DNAH14: variants seen among roughly 807,000 people sequenced by gnomAD.
DNAH14 encodes axonemal beta dynein heavy chain 14.
Under a neutral mutation model 520.9 loss-of-function variants are expected in DNAH14, and 478 were observed. The observed-to-expected ratio is 0.92, with a 90% CI of 0.85 to 0.99. The LOEUF (loss-of-function observed/expected upper bound fraction) is 0.99, where lower values mean the gene tolerates loss of function less well. DNAH14 is among the 50% of genes least tolerant of loss of function. The pLI is 0.00. For synonymous variants in DNAH14, 1,581 were observed against 1,757.2 expected (o/e 0.90, Z 2.51); for missense variants, 4,831 against 5,234.5 (o/e 0.92, Z 2.38).
At chr1:225,395,547 G>A (rs1359108131) in intron 84 of DNAH14, among the ~76,000 whole-genome samples, 2 of 149,620 alleles carry the variant, frequency 1.3e-5, no homozygotes, top group African/African-American at 2.5e-5. Context: ...AGCAGAGATC[G>A]CGCCACTGCG....
intron 17 of DNAH14, among the ~76,000 whole-genome samples, chr1:225,074,248 C>G (rs2071956640): frequency 6.6e-6 from 1 of 152,068 alleles, no homozygotes; most frequent in African/African-American, 2.4e-5. Context: ...ATCCGCCTGC[C>G]TCGGCCTCCC....
intron 37 of DNAH14, among the ~76,000 whole-genome samples, chr1:225,192,071 T>C (rs2085510316): frequency 6.6e-6 from 1 of 152,112 alleles, no homozygotes. Context: ...TCTTTGTGCA[T>C]ACATCTTGAT....
At chr1:225,110,883 T>C (rs575235998) in intron 23 of DNAH14, among the ~76,000 whole-genome samples, 1 of 152,258 alleles carries the variant, frequency 6.6e-6, no homozygotes, top group South Asian at 2.1e-4. Context: ...GACACTGACA[T>C]GGTCATTCAG....
chr1:225,337,946 C>G, intron 67 of DNAH14, 115 bp from the exon 68 acceptor site: 3 of 1,016,548 alleles, frequency 3.0e-6, no homozygotes, highest in Non-Finnish European at 2.8e-6. Flanking sequence ...CTATGAAATA[C>G]TAGGTCTTAT....
chr1:225,280,195 T>C (rs1027712698), intron 54 of DNAH14, among the ~76,000 whole-genome samples: 1 of 151,980 alleles, frequency 6.6e-6, no homozygotes, highest in South Asian at 2.1e-4. Context: ...AAAGACACTA[T>C]CAAGTGTATC....
rs912314957 is a variant in DNAH14, at chr1:225,374,688, G to A, written c.12319G>A (p.Val4107Ile). Residue 4107 changes from valine (V) to isoleucine (I), a missense_variant and splice_region_variant, in exon 78 of 86, where the codon GTT (valine) becomes ATT (isoleucine). Val to Ile is a conservative substitution (Grantham distance 29, BLOSUM62 3). Coordinates refer to ENST00000682510, the MANE Select transcript of DNAH14 (RefSeq NM_001367479.1). ...ATAAAGACTCATGGGTTTTCCAAAGGTTGCCATTAAGGTGTTGGAAAATTC... is the reference window on the plus strand; with the variant it reads ...ATAAAGACTCATGGGTTTTCCAAAGATTGCCATTAAGGTGTTGGAAAATTC... ...AYKFNSSDLG[V>I]AIKVLENSLR... 44 of 1,543,252 alleles carry A rather than the reference G, an allele frequency of 2.9e-5. No individual in the cohort carries two copies. Among genetic ancestry groups the A allele is most frequent in the Non-Finnish European group, 3.5e-5 (40 of 1,141,536 alleles).
intron 27 of DNAH14, among the ~76,000 whole-genome samples, chr1:225,125,072 G>A (rs1446836606): frequency 2.6e-5 from 4 of 152,128 alleles, no homozygotes; most frequent in Non-Finnish European, 5.9e-5. Flanking sequence ...CCAACAGTGG[G>A]CTTAAAATAT....
rs1415559479 is a variant in DNAH14, at chr1:225,276,970, GAA to G, written c.8179-439_8179-438del. On this transcript the variant is annotated intron_variant, in intron 53 of 85. Transcript: ENST00000682510. ...GGAAGGAAGGAAGGAAGGAAGGAAG[GAA>G]GGAAGGAAGGAAGGGAGGGAGGAAG... 4.6e-3 allele frequency among the ~76,000 whole-genome samples: 253 copies of G among 55,416 alleles called. 2 individuals are homozygous for G. Among genetic ancestry groups the G allele is most frequent in the African/African-American group, 0.02 (234 of 11,474 alleles). 36.4% of individuals were successfully genotyped at this position (55,416 alleles called of 152,430 possible). A position where few individuals can be genotyped will look rare whatever the true frequency, so the allele number is the denominator to read the frequency against.
chr1:224,980,746 AAG>A (rs1222831232), intron 8 of DNAH14, among the ~76,000 whole-genome samples: 1 of 152,110 alleles, frequency 6.6e-6, no homozygotes, highest in African/African-American at 2.4e-5. Flanking sequence ...CTACTGATTG[AAG>A]AGTCTTAGGT....
rs1026027482 is a variant in DNAH14 at position 225,085,751 on chromosome 1, G to A, written c.3535G>A (p.Ala1179Thr). 78 of 1,550,786 alleles carry A rather than the reference G, an allele frequency of 5.0e-5. No homozygotes were observed. Among genetic ancestry groups the A allele is most frequent in the Middle Eastern group, 3.3e-4 (2 of 6,002 alleles). Residue 1179 changes from alanine to threonine, a missense_variant, in exon 21 of 86, where the codon GCA becomes ACA. By Grantham distance (58) the Ala-to-Thr change is moderately conservative. Transcript: ENST00000682510. ...AQLEESQVIL[A>T]TIKGSPHIGP... The stretch of plus-strand genomic sequence containing the variant: ...GTTAGAAGAGTCTCAAGTCATACTT[G>A]CAACAATTAAAGGATCTCCCCACAT...
intron 11 of DNAH14, among the ~76,000 whole-genome samples, chr1:225,028,619 C>A (rs1457493469): frequency 2.0e-5 from 3 of 151,774 alleles, no homozygotes. Context: ...AAATCCCAAA[C>A]AAGTTAATTT....
At chr1:225,397,724 C>T (rs1291182646) in intron 84 of DNAH14, 1 of 152,152 alleles carries the variant, frequency 6.6e-6, no homozygotes, top group Non-Finnish European at 1.5e-5. Flanking sequence ...AAAATGTAAT[C>T]CTCTATTTAA....
At chr1:225,373,368 G>A (rs1452764739) in intron 77 of DNAH14, among the ~76,000 whole-genome samples, 2 of 152,064 alleles carry the variant, frequency 1.3e-5, no homozygotes, top group East Asian at 1.9e-4. Context: ...GGGAGGCTGA[G>A]GCAGGAGAAT....
intron 23 of DNAH14, among the ~76,000 whole-genome samples, chr1:225,115,378 A>G (rs1049189395): frequency 6.6e-6 from 1 of 152,238 alleles, no homozygotes; most frequent in Non-Finnish European, 1.5e-5. Flanking sequence ...CTGATTCCAT[A>G]TATTTATACA....
At chr1:225,046,957 C>T (rs2068021216) in intron 15 of DNAH14, among the ~76,000 whole-genome samples, 1 of 152,048 alleles carries the variant, frequency 6.6e-6, no homozygotes, top group Non-Finnish European at 1.5e-5. Context: ...ATACTTCAGG[C>T]TCATCTTGTA....
In DNAH14 at chr1:225,290,037, A is replaced by G; in HGVS notation, c.8424A>G (p.Lys2808=). 1 of 1,525,084 alleles carries G rather than the reference A, an allele frequency of 6.6e-7. No homozygotes were observed. Among genetic ancestry groups the G allele is most frequent in the Non-Finnish European group, 8.8e-7 (1 of 1,133,078 alleles). The allele number at this position is 1,525,084 out of a possible 1,614,324, so 94.5% of individuals were successfully genotyped here. Reference sequence around the variant, plus strand: ...AGGTGTTTATTCACGCAGGATTAAAAGGGAAACCCACTGTTCTGATGGTTC... The same window carrying G: ...AGGTGTTTATTCACGCAGGATTAAAGGGGAAACCCACTGTTCTGATGGTTC... ...FKKVFIHAGL[K]GKPTVLMVPN... Residue 2808 remains lysine, a synonymous_variant, in exon 55 of 86, where the codon AAA becomes AAG. Transcript: ENST00000682510.
At chr1:225,347,819 G>A (rs1011711383) in intron 71 of DNAH14, among the ~76,000 whole-genome samples, 8 of 152,090 alleles carry the variant, frequency 5.3e-5, no homozygotes, top group African/African-American at 1.9e-4. Context: ...CAAAGACACA[G>A]GGGGAAATGG....
intron 17 of DNAH14, among the ~76,000 whole-genome samples, chr1:225,077,160 A>C (rs2072394731): frequency 1.3e-5 from 2 of 152,242 alleles, no homozygotes; most frequent in South Asian, 4.1e-4. Flanking sequence ...TATTCATTAC[A>C]TCTATTGAGA....
At chr1:225,337,997 T>A in intron 67 of DNAH14, 64 bp from the exon 68 acceptor site, 2 of 1,183,376 alleles carry the variant, frequency 1.7e-6, no homozygotes, top group Non-Finnish European at 2.2e-6. Context: ...TTATTGCTGC[T>A]TTTTTTTTTC....
Sources: gnomAD v4.1 joint callset for allele counts (sites outside exome capture counted in the v4.1 genomes callset) on GRCh38, gnomAD v4.1.1 for gene constraint, MANE v1.5 for transcripts, NCBI Gene and HGNC (gene_info 2026-07-23, HGNC 2026-07-21) for gene names.